ACTN1: variants seen among roughly 807,000 people sequenced by gnomAD.
The protein encoded by ACTN1 is actinin alpha 1.
A neutral mutation model predicts 119.6 loss-of-function variants in ACTN1; 30 were observed. That is an observed-to-expected ratio of 0.25 (90% CI 0.19 to 0.34). The LOEUF (loss-of-function observed/expected upper bound fraction) is 0.34, where lower values mean the gene tolerates loss of function less well. ACTN1 is among the 10% of genes least tolerant of loss of function. The pLI is 1.00. For synonymous variants in ACTN1, 429 were observed against 472.6 expected, an observed-to-expected ratio of 0.91 and a Z score of 1.20; for missense variants, 764 against 1,223.4, an observed-to-expected ratio of 0.62 and a Z score of 5.60.
intron 1 of ACTN1, among the ~76,000 whole-genome samples, chr14:68,962,779 T>C (rs1342170411): frequency 6.6e-6 from 1 of 152,330 alleles, no homozygotes; most frequent in East Asian, 1.9e-4. Flanking sequence ...GTCAATCAAA[T>C]AGTCCTGATA....
chr14:68,904,634 C>T, intron 7 of ACTN1, 21 bp downstream of exon 7: 1 of 1,611,348 alleles, frequency 6.2e-7, no homozygotes, highest in South Asian at 1.1e-5. Context: ...GCAAGAGACA[C>T]AGAAGGAAAG....
chr14:68,932,998 A>G (rs2035298442), intron 1 of ACTN1, among the ~76,000 whole-genome samples: 1 of 152,062 alleles, frequency 6.6e-6, no homozygotes, highest in South Asian at 2.1e-4. Flanking sequence ...TGAGTGCTTT[A>G]CCTCCTTTAA....
rs1310368127 is a variant in ACTN1 at position 68,879,468 on chromosome 14, G to A, written c.2281-399C>T. On this transcript the variant is annotated intron_variant, in intron 18 of 21. Coordinates refer to ENST00000394419, the MANE Select transcript of ACTN1 (RefSeq NM_001130004.2). The surrounding 1 kb of genome is among the most constrained non-coding windows in gnomAD (Gnocchi z 4.9). ...ATGCTCCCACGCCTTGGGACCGCCC[G>A]CAAGCCCCAGGGCACTGGGAAGGGG... 1.3e-5 allele frequency among the ~76,000 whole-genome samples: 2 copies of A among 152,160 alleles called. No individual in the cohort carries two copies. Among genetic ancestry groups the A allele is most frequent in the East Asian group, 1.9e-4 (1 of 5,186 alleles).
chr14:68,956,856 G>C (rs2036367521), intron 1 of ACTN1, among the ~76,000 whole-genome samples: 1 of 152,050 alleles, frequency 6.6e-6, no homozygotes, highest in African/African-American at 2.4e-5. Flanking sequence ...AGAGTTCATT[G>C]TGGTTTTCTG....
At chr14:68,977,038 G>A (rs1419954781) in intron 1 of ACTN1, among the ~76,000 whole-genome samples, 1 of 152,122 alleles carries the variant, frequency 6.6e-6, no homozygotes. Context: ...TGTCCCCTAG[G>A]AACTTGGTCT....
At chr14:68,917,390 T>G (rs1473676091) in intron 3 of ACTN1, among the ~76,000 whole-genome samples, 1 of 152,148 alleles carries the variant, frequency 6.6e-6, no homozygotes. Context: ...TCTTAGTCCT[T>G]GCACTGCATG....
intron 1 of ACTN1, among the ~76,000 whole-genome samples, chr14:68,942,549 G>T (rs1245584360): frequency 6.6e-6 from 1 of 152,200 alleles, no homozygotes; most frequent in Non-Finnish European, 1.5e-5. Flanking sequence ...AGCAGTCTTG[G>T]CACTTGGAGG....
At chr14:68,904,562 G>T in intron 7 of ACTN1, 93 bp downstream of exon 7, 1 of 1,164,684 alleles carries the variant, frequency 8.6e-7, no homozygotes, top group Non-Finnish European at 1.3e-6. Context: ...GCCTCCTCCC[G>T]TCCAGCCCCG....
Position 68,885,366 on chromosome 14 carries a change from G to A in ACTN1, c.1385+59C>T, listed in dbSNP as rs2031909992. The stretch of plus-strand genomic sequence containing the variant: ...GGCCACACCCCCACCTCCCCCAGCA[G>A]CTGAGAAAGCCCAGCCTCAGCCCCT... On this transcript the variant is annotated intron_variant, in intron 12 of 21. Coordinates refer to ENST00000394419, the MANE Select transcript of ACTN1 (RefSeq NM_001130004.2). The surrounding 1 kb of genome is among the most constrained non-coding windows in gnomAD (Gnocchi z 5.6). The A allele has an allele frequency of 1.4e-6, 2 of 1,440,218 alleles. No individual in the cohort carries two copies. The highest frequency in any genetic ancestry group is 2.8e-5 in the African/African-American group (2 of 70,840). 89.2% of individuals were successfully genotyped at this position (1,440,218 alleles called of 1,614,324 possible). A position where few individuals can be genotyped will look rare whatever the true frequency, so the allele number is the denominator to read the frequency against.
rs2037167812 is a variant in ACTN1, at chr14:68,978,912, T to TGGGGGCC, written c.105+39_105+40insGGCCCCC. 2.2e-6 allele frequency: 3 copies of TGGGGGCC among 1,390,544 alleles called. No homozygotes were observed. The East Asian group carries it at 8.2e-5, about 38-fold the overall frequency. 86.1% of individuals were successfully genotyped at this position (1,390,544 alleles called of 1,614,324 possible). On this transcript the variant is annotated intron_variant, in intron 1 of 21. Transcript: ENST00000394419. The stretch of plus-strand genomic sequence containing the variant: ...GGCAGAGCGGGTCGGGGCTGGGGGC[T>TGGGGGCC]GGGGGCTGGGGGCTGCAGCGGGCGG...
intron 1 of ACTN1, chr14:68,936,656 C>T: frequency 3.2e-6 from 2 of 622,262 alleles, no homozygotes; most frequent in South Asian, 1.5e-5. Flanking sequence ...GGGGGAAGAG[C>T]CAGTGGGGAG....
chr14:68,942,096 C>CA, intron 1 of ACTN1, among the ~76,000 whole-genome samples: 1 of 152,194 alleles, frequency 6.6e-6, no homozygotes, highest in Non-Finnish European at 1.5e-5. Context: ...GGAAGCATCA[C>CA]AAGCCACCAC....
chr14:68,905,492 T>C (rs1240463652), intron 6 of ACTN1, among the ~76,000 whole-genome samples: 1 of 152,234 alleles, frequency 6.6e-6, no homozygotes, highest in Non-Finnish European at 1.5e-5. Context: ...AAGAGATCTT[T>C]ATACCTCCAT....
chr14:68,926,914 G>C (rs551243597), intron 1 of ACTN1, among the ~76,000 whole-genome samples: 6 of 152,250 alleles, frequency 3.9e-5, no homozygotes, highest in African/African-American at 1.4e-4. Flanking sequence ...ACAAGAAAGG[G>C]AACAGGGGGA....
intron 1 of ACTN1, among the ~76,000 whole-genome samples, chr14:68,931,614 T>C (rs1289014075): frequency 2.0e-5 from 3 of 152,190 alleles, no homozygotes; most frequent in Non-Finnish European, 2.9e-5. Context: ...TGAGTGACCT[T>C]GTGCATGTGA....
chr14:68,969,266 A>G (rs12434478), intron 1 of ACTN1, among the ~76,000 whole-genome samples: 42,398 of 152,178 alleles, frequency 0.28, 6,271 homozygotes, highest in African/African-American at 0.34. Context: ...AGGCCTCAGG[A>G]CTTCATGCAT....
At chr14:68,964,913 G>A (rs778144498) in intron 1 of ACTN1, among the ~76,000 whole-genome samples, 1 of 152,126 alleles carries the variant, frequency 6.6e-6, no homozygotes, top group Non-Finnish European at 1.5e-5. Flanking sequence ...GTAAGGGCCC[G>A]CATGTGGATC....
intron 16 of ACTN1, among the ~76,000 whole-genome samples, chr14:68,881,762 C>A (rs1381312761): frequency 1.3e-5 from 2 of 152,032 alleles, no homozygotes; most frequent in African/African-American, 4.8e-5. Flanking sequence ...ATTCTATGCT[C>A]TACTGGGGTT....
chr14:68,932,798 C>T (rs2035286206), intron 1 of ACTN1, among the ~76,000 whole-genome samples: 1 of 152,070 alleles, frequency 6.6e-6, no homozygotes, highest in Admixed American at 6.6e-5. Flanking sequence ...CTGCTGTATG[C>T]ATCATAGATG....
Sources: allele counts gnomAD v4.1 joint callset (sites outside exome capture counted in the v4.1 genomes callset), GRCh38; gene constraint gnomAD v4.1.1; non-coding constraint Gnocchi (gnomAD v3.1); transcripts MANE v1.5; gene names NCBI Gene and HGNC (gene_info 2026-07-23, HGNC 2026-07-21).